Variants in ZDHHC14 observed in about 807,000 individuals in gnomAD.
ZDHHC14 encodes zDHHC palmitoyltransferase 14, also known as palmitoyltransferase ZDHHC14.
ZDHHC14 carries 16 observed loss-of-function variants against 47.7 expected under a neutral mutation model. That is an observed-to-expected ratio of 0.34 (90% CI 0.23 to 0.51). The LOEUF (loss-of-function observed/expected upper bound fraction) is 0.51. Among genes scored for constraint, ZDHHC14 ranks in the 20% least tolerant of loss-of-function variants. The pLI is 0.97. For synonymous variants in ZDHHC14, 293 were observed against 278.9 expected (o/e 1.05, Z -0.50); for missense variants, 515 against 662.5 (o/e 0.78, Z 2.44).
chr6:157,454,118 A>G (rs1778862343), intron 1 of ZDHHC14, among the ~76,000 whole-genome samples: 1 of 152,180 alleles, frequency 6.6e-6, no homozygotes, highest in Admixed American at 6.5e-5. Flanking sequence ...ACTCCTTTTC[A>G]TTGTTAGCTG....
At chr6:157,521,781 G>C (rs1309883844) in intron 1 of ZDHHC14, among the ~76,000 whole-genome samples, 1 of 152,204 alleles carries the variant, frequency 6.6e-6, no homozygotes, top group East Asian at 1.9e-4. Context: ...ATTCAGCAGT[G>C]ACAGGGCAGG....
At chr6:157,438,653 T>C (rs1165994396) in intron 1 of ZDHHC14, among the ~76,000 whole-genome samples, 3 of 152,294 alleles carry the variant, frequency 2.0e-5, no homozygotes, top group Non-Finnish European at 2.9e-5. Flanking sequence ...TTTGTAAGAC[T>C]TTCTCAGGGA....
chr6:157,618,302 A>G (rs532182978), intron 3 of ZDHHC14, among the ~76,000 whole-genome samples: 1 of 152,060 alleles, frequency 6.6e-6, no homozygotes, highest in South Asian at 2.1e-4. Flanking sequence ...TTTTGAGGCT[A>G]TACAAATTTG....
At chr6:157,672,411 GA>G (rs1778837033) in intron 8 of ZDHHC14, among the ~76,000 whole-genome samples, 1 of 152,178 alleles carries the variant, frequency 6.6e-6, no homozygotes, top group East Asian at 1.9e-4. Context: ...CTGTCCAAGA[GA>G]TTTTTTTAAT....
At chr6:157,627,092 T>C (rs940679554) in intron 3 of ZDHHC14, among the ~76,000 whole-genome samples, 16 of 152,214 alleles carry the variant, frequency 1.1e-4, no homozygotes, top group African/African-American at 3.9e-4. Flanking sequence ...GCAATGATTA[T>C]CTTGCACTTC....
chr6:157,445,255 C>A (rs1778641997), intron 1 of ZDHHC14, among the ~76,000 whole-genome samples: 1 of 151,728 alleles, frequency 6.6e-6, no homozygotes, highest in Non-Finnish European at 1.5e-5. Flanking sequence ...TGAATGTTTC[C>A]AAAAGAGATG....
intron 1 of ZDHHC14, among the ~76,000 whole-genome samples, chr6:157,416,779 A>T (rs187195660): frequency 1.3e-3 from 193 of 145,036 alleles, no homozygotes; most frequent in Non-Finnish European, 2.2e-3. Context: ...CCCACTTGCC[A>T]CTCCCGAGTT....
At chr6:157,383,339 C>A (rs1205690305) in intron 1 of ZDHHC14, among the ~76,000 whole-genome samples, 1 of 152,156 alleles carries the variant, frequency 6.6e-6, no homozygotes, top group African/African-American at 2.4e-5. Context: ...TTTGGGCTTC[C>A]CAAATCCTGG....
chr6:157,495,787 C>A (rs1208598413), intron 1 of ZDHHC14, among the ~76,000 whole-genome samples: 1 of 147,880 alleles, frequency 6.8e-6, no homozygotes, highest in East Asian at 2.0e-4. Context: ...TCACTGCAAC[C>A]TCCGCCTCCC....
chr6:157,595,893 C>T (rs1186513916), intron 3 of ZDHHC14, among the ~76,000 whole-genome samples: 1 of 152,020 alleles, frequency 6.6e-6, no homozygotes, highest in Non-Finnish European at 1.5e-5. Context: ...GTATGGGAGA[C>T]CCAGAACAGG....
At chr6:157,484,361 TA>T (rs1257280776) in intron 1 of ZDHHC14, among the ~76,000 whole-genome samples, 26 of 146,182 alleles carry the variant, frequency 1.8e-4, no homozygotes, top group Admixed American at 5.5e-4. Context: ...TATACACACA[TA>T]TATACGTATA....
chr6:157,565,276 T>G (rs531564178), intron 2 of ZDHHC14, among the ~76,000 whole-genome samples: 31 of 152,294 alleles, frequency 2.0e-4, no homozygotes, highest in African/African-American at 6.7e-4. Context: ...TAATTTCATT[T>G]TAATCAGTCT....
chr6:157,507,968 T>C (rs1299748242), intron 1 of ZDHHC14, among the ~76,000 whole-genome samples: 1 of 152,234 alleles, frequency 6.6e-6, no homozygotes, highest in African/African-American at 2.4e-5. Flanking sequence ...GATTGTCAAG[T>C]TGGGTATACA....
chr6:157,517,915 A>G (rs956377033), intron 1 of ZDHHC14, among the ~76,000 whole-genome samples: 8 of 152,216 alleles, frequency 5.3e-5, no homozygotes, highest in South Asian at 2.1e-4. Context: ...GATCTGTATC[A>G]AAGCCCCACG....
chr6:157,481,890 TA>T (rs1405995010), intron 1 of ZDHHC14, among the ~76,000 whole-genome samples: 4 of 152,248 alleles, frequency 2.6e-5, no homozygotes. Flanking sequence ...TATTAGATTA[TA>T]AGCAACTAGA....
At position 157,618,248 on chromosome 6, in the gene ZDHHC14, G is replaced by A. The variant is rs192675121; in HGVS notation, c.566-10101G>A. Among the ~76,000 whole-genome samples the A allele has an allele frequency of 1.1e-3, 172 of 152,234 alleles. 3 individuals are homozygous for A. In the East Asian group the frequency reaches 0.031, roughly 27 times the overall value. On this transcript the variant is annotated intron_variant, in intron 3 of 8. Coordinates refer to ENST00000359775, the MANE Select transcript of ZDHHC14 (RefSeq NM_024630.3). ...GAGCTTATCTCAGAGTTTCACAAAC[G>A]ACAGGTGGAGAATGACCGAAGACCA...
At chr6:157,531,942 G>T (rs1186028448) in intron 1 of ZDHHC14, among the ~76,000 whole-genome samples, 1 of 152,286 alleles carries the variant, frequency 6.6e-6, no homozygotes, top group Non-Finnish European at 1.5e-5. Flanking sequence ...CGTTCTGCGG[G>T]ATGGGCGTGG....
At chr6:157,540,850 G>C (rs1401778746) in intron 1 of ZDHHC14, among the ~76,000 whole-genome samples, 3 of 140,166 alleles carry the variant, frequency 2.1e-5, no homozygotes, top group Non-Finnish European at 4.6e-5. Flanking sequence ...ATGTATTCAG[G>C]GTTTATATAT....
At chr6:157,545,240 G>T (rs1353550722) in intron 2 of ZDHHC14, among the ~76,000 whole-genome samples, 1 of 123,596 alleles carries the variant, frequency 8.1e-6, no homozygotes, top group Non-Finnish European at 1.8e-5. Context: ...GAGGGAGCTT[G>T]TTGGGATTAT....
Sources: allele counts gnomAD v4.1 joint callset (sites outside exome capture counted in the v4.1 genomes callset), GRCh38; gene constraint gnomAD v4.1.1; transcripts MANE v1.5; gene names NCBI Gene and HGNC (gene_info 2026-07-23, HGNC 2026-07-21).